The following SYNE2 variants were observed in gnomAD, a reference collection of about 807,000 sequenced individuals.
SYNE2 encodes the protein nesprin-2.
SYNE2 carries 431 observed loss-of-function variants against 856.3 expected under a neutral mutation model. The observed-to-expected ratio is 0.50, with a 90% CI of 0.47 to 0.55. The LOEUF (loss-of-function observed/expected upper bound fraction) is 0.55, where lower values mean the gene tolerates loss of function less well. SYNE2 is among the 20% of genes least tolerant of loss of function. SYNE2 has a pLI of 0.00. For missense variants in SYNE2, 8,129 were observed against 8,023.2 expected, an observed-to-expected ratio of 1.01 and a Z score of -0.50; for synonymous variants, 2,923 against 2,872.3, an observed-to-expected ratio of 1.02 and a Z score of -0.56.
chr14:63,897,626 C>A (rs904899583), intron 1 of SYNE2, among the ~76,000 whole-genome samples: 1 of 152,200 alleles, frequency 6.6e-6, no homozygotes, highest in African/African-American at 2.4e-5. Flanking sequence ...ACCTTGGACC[C>A]AGCATGCCAT....
chr14:63,879,059 G>T (rs2094795908), intron 1 of SYNE2, among the ~76,000 whole-genome samples: 1 of 152,026 alleles, frequency 6.6e-6, no homozygotes, highest in African/African-American at 2.4e-5. Flanking sequence ...AAAAAGCTCA[G>T]TTGGGTGTGC....
At chr14:63,988,002 T>C (rs1029982461) in intron 19 of SYNE2, among the ~76,000 whole-genome samples, 2 of 152,242 alleles carry the variant, frequency 1.3e-5, no homozygotes, top group Non-Finnish European at 2.9e-5. Flanking sequence ...GAAAAATATC[T>C]GTAAAGATAT....
At chr14:64,184,368 G>GTGTGTGTA (rs1226355639) in intron 96 of SYNE2, among the ~76,000 whole-genome samples, 11 of 150,838 alleles carry the variant, frequency 7.3e-5, no homozygotes, top group African/African-American at 2.7e-4. Flanking sequence ...GTGTGTATGT[G>GTGTGTGTA]TATGAACATG....
chr14:63,931,464 C>A (rs2095753875), intron 2 of SYNE2, among the ~76,000 whole-genome samples: 1 of 150,956 alleles, frequency 6.6e-6, no homozygotes, highest in African/African-American at 2.4e-5. Flanking sequence ...GCAGGAGAAT[C>A]ACTTGAACCT....
chr14:64,166,825 T>G (rs531472315), intron 90 of SYNE2: 8 of 241,888 alleles, frequency 3.3e-5, no homozygotes, highest in African/African-American at 1.9e-4. Flanking sequence ...TCCACCTACT[T>G]GGGAGGCTGA....
intron 58 of SYNE2, 26 bp downstream of exon 58, chr14:64,087,882 AT>A: frequency 6.2e-7 from 1 of 1,609,332 alleles, no homozygotes. Context: ...TCATTTAATC[AT>A]TCAGGATTAA....
At chr14:63,850,874 G>A (rs1338528967), upstream of SYNE2, among the ~76,000 whole-genome samples, 4 of 152,154 alleles carry the variant, frequency 2.6e-5, no homozygotes, top group Non-Finnish European at 5.9e-5. Flanking sequence ...TCCAGAGACT[G>A]TTACCATTAT....
At chr14:63,766,631 A>C (rs1215436208) in intron 1 of SYNE2, among the ~76,000 whole-genome samples, 1 of 152,196 alleles carries the variant, frequency 6.6e-6, no homozygotes, top group Non-Finnish European at 1.5e-5. Flanking sequence ...TCCATTAATT[A>C]TTCTTCTAGG....
chr14:63,771,568 A>C (rs913095215), intron 1 of SYNE2, among the ~76,000 whole-genome samples: 1 of 152,172 alleles, frequency 6.6e-6, no homozygotes, highest in African/African-American at 2.4e-5. Context: ...CAAAACCTGG[A>C]AACGTCATAG....
chr14:64,143,624 T>C, intron 82 of SYNE2, 148 bp from the exon 83 acceptor site: 3 of 786,500 alleles, frequency 3.8e-6, no homozygotes, highest in Non-Finnish European at 6.6e-6. Context: ...ACTCCTGGTG[T>C]AGGTTGGGGA....
Position 63,993,860 on chromosome 14 carries a change from A to G in SYNE2, c.2672A>G (p.Lys891Arg). 1 of 1,610,210 alleles carries G rather than the reference A, an allele frequency of 6.2e-7. No homozygotes were observed. The highest frequency in any genetic ancestry group is 1.7e-5 in the Admixed American group (1 of 59,414). Reference sequence around the variant, plus strand: ...GAAGCACTAATAATTTCTAATACAAAAAGTCTGGCCAAGTATTTGAAAGCT... The same window carrying G: ...GAAGCACTAATAATTTCTAATACAAGAAGTCTGGCCAAGTATTTGAAAGCT... ...HKEALIISNTKSLAKYLKAVE... is the reference protein window; with the variant it reads ...HKEALIISNTRSLAKYLKAVE... Residue 891 changes from lysine (K) to arginine (R), a missense_variant, in exon 22 of 116, where the codon AAA becomes AGA. Coordinates refer to ENST00000555002, the MANE Select transcript of SYNE2 (RefSeq NM_182914.3).
Position 64,020,087 on chromosome 14 carries a change from A to G in SYNE2, c.5145A>G (p.Glu1715=). 1.2e-6 allele frequency: 2 copies of G among 1,606,316 alleles called. No individual in the cohort carries two copies. Among genetic ancestry groups the G allele is most frequent in the Non-Finnish European group, 1.7e-6 (2 of 1,173,680 alleles). The stretch of plus-strand genomic sequence containing the variant: ...TCCAAAGCAGTGAAATACCTCTTGA[A>G]TTGCAGGTAAGAATTTTTATTTAAA... ...FLLQSSEIPL[E]LQVMESSILN... The change falls in exon 35 of 116, where the codon GAA becomes GAG. Residue 1715 remains glutamate, a synonymous_variant. Coordinates refer to ENST00000555002, the MANE Select transcript of SYNE2 (RefSeq NM_182914.3).
chr14:64,146,257 G>A (rs777375444), intron 84 of SYNE2, 34 bp downstream of exon 84: 25 of 1,576,114 alleles, frequency 1.6e-5, no homozygotes, highest in Admixed American at 7.4e-5. Flanking sequence ...CCCAACCCGC[G>A]AGCTGGGGTG....
In SYNE2 at chr14:64,022,731, C is replaced by CTT; in HGVS notation, c.5525-12_5525-11dup. On this transcript the variant is annotated intron_variant, in intron 37 of 115. Transcript: ENST00000555002. ...TGAAGTCTTCCTTGAATGAATAGAGCTTTTTTTTTCCCCCTGCAGATCAAT... is the reference window on the plus strand; with the variant it reads ...TGAAGTCTTCCTTGAATGAATAGAGCTTTTTTTTTTTCCCCCTGCAGATCAAT... 4 of 1,293,544 alleles carry CTT rather than the reference C, an allele frequency of 3.1e-6. No individual in the cohort carries two copies. Among genetic ancestry groups the CTT allele is most frequent in the Non-Finnish European group, 3.4e-6 (3 of 895,404 alleles). 80.1% of individuals were successfully genotyped at this position (1,293,544 alleles called of 1,614,324 possible). A position where few individuals can be genotyped will look rare whatever the true frequency, so the allele number is the denominator to read the frequency against.
chr14:64,191,165 A>C (rs1416441604), intron 99 of SYNE2: 6 of 368,332 alleles, frequency 1.6e-5, no homozygotes, highest in Admixed American at 4.4e-5. Flanking sequence ...ATTTAAATTA[A>C]ATTTATTATT....
intron 1 of SYNE2, among the ~76,000 whole-genome samples, chr14:63,802,060 G>T (rs540772286): frequency 5.4e-4 from 81 of 150,264 alleles, no homozygotes; most frequent in Non-Finnish European, 9.8e-4. Flanking sequence ...TAAGTATAAA[G>T]AAATAATACC....
intron 2 of SYNE2, among the ~76,000 whole-genome samples, chr14:63,911,864 G>A (rs1490794851): frequency 6.6e-6 from 1 of 152,156 alleles, no homozygotes; most frequent in Non-Finnish European, 1.5e-5. Context: ...GAAATGAGTG[G>A]TTTCTTATAG....
At chr14:64,167,450 A>G (rs758050108) in intron 91 of SYNE2, 45 bp from the exon 92 acceptor site, 1 of 1,614,222 alleles carries the variant, frequency 6.2e-7, no homozygotes, top group South Asian at 1.1e-5. Flanking sequence ...TCAGCTCGGG[A>G]ATGGCATTGT....
chr14:63,940,421 A>G (rs1455769508), intron 2 of SYNE2, among the ~76,000 whole-genome samples, 193 bp from the exon 3 acceptor site: 1 of 151,878 alleles, frequency 6.6e-6, no homozygotes, highest in Non-Finnish European at 1.5e-5. Flanking sequence ...TGGTTTTAAA[A>G]AAATATCGTA....
Sources: gnomAD v4.1 joint callset for allele counts (sites outside exome capture counted in the v4.1 genomes callset) on GRCh38, gnomAD v4.1.1 for gene constraint, MANE v1.5 for transcripts, NCBI Gene and HGNC (gene_info 2026-07-23, HGNC 2026-07-21) for gene names.